Variants in RARB observed in about 807,000 individuals in gnomAD.
RARB encodes the protein retinoic acid receptor beta.
In RARB, 17 loss-of-function variants were observed where a neutral mutation model predicts 51.9. That is an observed-to-expected ratio of 0.33 (90% confidence interval 0.22 to 0.49). The LOEUF (loss-of-function observed/expected upper bound fraction) is 0.49. RARB is among the 20% of genes least tolerant of loss of function. RARB has a pLI of 0.99. For missense variants in RARB, 369 were observed against 550.8 expected (o/e 0.67, Z 3.30); for synonymous variants, 215 against 195.4 (o/e 1.10, Z -0.84).
chr3:25,168,249 G>T (rs1214025991), intron 4 of RARB, among the ~76,000 whole-genome samples: 1 of 151,994 alleles, frequency 6.6e-6, no homozygotes, highest in Non-Finnish European at 1.5e-5. Flanking sequence ...GAGATGGAGT[G>T]TTGCTCTGTT....
chr3:25,003,470 C>T (rs1196565562), intron 2 of RARB, among the ~76,000 whole-genome samples: 1 of 152,062 alleles, frequency 6.6e-6, no homozygotes, highest in Non-Finnish European at 1.5e-5. Flanking sequence ...TCAGATATAT[C>T]TTAGTACTGA....
intron 2 of RARB, among the ~76,000 whole-genome samples, chr3:24,963,589 C>T (rs990260431): frequency 6.6e-6 from 1 of 151,700 alleles, no homozygotes; most frequent in Non-Finnish European, 1.5e-5. Flanking sequence ...TCTCCAAATC[C>T]TGAAAAACCT....
At chr3:25,384,967 C>T (rs907899593) in intron 5 of RARB, among the ~76,000 whole-genome samples, 16 of 152,136 alleles carry the variant, frequency 1.1e-4, no homozygotes, top group Non-Finnish European at 2.4e-4. Context: ...CTCTGGATGG[C>T]ACCTACAGTC....
At chr3:25,524,660 CTTCT>C (rs1698564055) in intron 3 of RARB, among the ~76,000 whole-genome samples, 1 of 150,072 alleles carries the variant, frequency 6.7e-6, no homozygotes, top group Non-Finnish European at 1.5e-5. Flanking sequence ...TCCTTCCTTC[CTTCT>C]TTCTTCCTCT....
At chr3:25,590,767 G>T (rs1320151850) in intron 5 of RARB, among the ~76,000 whole-genome samples, 1 of 152,164 alleles carries the variant, frequency 6.6e-6, no homozygotes, top group African/African-American at 2.4e-5. Context: ...TGATCTATCC[G>T]CCTTGCCCTC....
intron 5 of RARB, among the ~76,000 whole-genome samples, chr3:25,219,722 A>T (rs1701905266): frequency 6.6e-6 from 1 of 152,196 alleles, no homozygotes; most frequent in African/African-American, 2.4e-5. Context: ...TTGGATCATG[A>T]ACCACAACTT....
intron 5 of RARB, among the ~76,000 whole-genome samples, chr3:25,382,620 C>T (rs1171101401): frequency 6.6e-6 from 1 of 152,192 alleles, no homozygotes; most frequent in African/African-American, 2.4e-5. Context: ...CTTTGGGAGG[C>T]CAAGGCAGGC....
chr3:25,261,187 A>G (rs780172988), intron 5 of RARB, among the ~76,000 whole-genome samples: 7 of 152,108 alleles, frequency 4.6e-5, no homozygotes, highest in South Asian at 2.1e-4. Context: ...GCTAGTTGCT[A>G]TTGTCATCAT....
intron 5 of RARB, among the ~76,000 whole-genome samples, chr3:25,196,996 ATTTTCTCCCATT>A (rs1280398198): frequency 2.4e-4 from 36 of 151,794 alleles, no homozygotes; most frequent in Non-Finnish European, 5.1e-4. Flanking sequence ...GATTGCAAAA[ATTTTCTCCCATT>A]CTGTAGGTTG....
chr3:24,857,752 CA>C (rs1032326102), intron 1 of RARB, among the ~76,000 whole-genome samples: 1 of 151,762 alleles, frequency 6.6e-6, no homozygotes, highest in East Asian at 1.9e-4. Context: ...CCTGTCTCTA[CA>C]AAAAAAACAA....
At chr3:24,940,328 C>T (rs1318626191) in intron 2 of RARB, among the ~76,000 whole-genome samples, 1 of 152,060 alleles carries the variant, frequency 6.6e-6, no homozygotes, top group Non-Finnish European at 1.5e-5. Flanking sequence ...AAAAAAGACT[C>T]AGGACTAAGA....
In RARB at chr3:25,208,510, G is replaced by C. The variant is rs117362210; in HGVS notation, c.178+33935G>C. On this transcript the variant is annotated intron_variant, in intron 5 of 11. Coordinates refer to the RARB transcript ENST00000383772. ...TCTATCAATAAAGCCCATCTTAGGA[G>C]AATAGCCCCAAAATCTAGGATGTTG... Among the ~76,000 whole-genome samples, 951 of 152,096 alleles carry C rather than the reference G, an allele frequency of 6.3e-3. 18 individuals are homozygous for C. Among genetic ancestry groups the C allele is most frequent in the East Asian group, 0.03 (154 of 5,170 alleles).
chr3:25,224,693 A>G (rs1343194515), intron 5 of RARB, among the ~76,000 whole-genome samples: 2 of 152,070 alleles, frequency 1.3e-5, no homozygotes, highest in East Asian at 1.9e-4. Context: ...CTGTAACCTC[A>G]ACCTCCTGGG....
chr3:24,889,234 A>G (rs911180406), intron 2 of RARB, among the ~76,000 whole-genome samples: 2 of 152,114 alleles, frequency 1.3e-5, no homozygotes, highest in Admixed American at 1.3e-4. Context: ...AACCATAATT[A>G]TCACCTTTTG....
At chr3:25,474,797 C>G (rs1187184908) in intron 2 of RARB, among the ~76,000 whole-genome samples, 1 of 152,110 alleles carries the variant, frequency 6.6e-6, no homozygotes, top group Admixed American at 6.6e-5. Flanking sequence ...TGTATAATTT[C>G]TAATTCAGTT....
intron 3 of RARB, among the ~76,000 whole-genome samples, chr3:25,107,839 G>A (rs764769131): frequency 6.6e-6 from 1 of 152,102 alleles, no homozygotes; most frequent in Non-Finnish European, 1.5e-5. Context: ...TAAAATACTT[G>A]TTCTTACTGT....
intron 2 of RARB, among the ~76,000 whole-genome samples, chr3:24,952,507 T>C (rs1695916472): frequency 6.6e-6 from 1 of 152,166 alleles, no homozygotes; most frequent in Non-Finnish European, 1.5e-5. Context: ...CGGCGCTAAC[T>C]GCTTACCATG....
chr3:25,087,665 A>C (rs1699127322), intron 3 of RARB, among the ~76,000 whole-genome samples: 1 of 152,138 alleles, frequency 6.6e-6, no homozygotes, highest in African/African-American at 2.4e-5. Flanking sequence ...ATAGTAATGG[A>C]GATTGTTGTT....
chr3:25,241,813 T>C (rs1318550113), intron 5 of RARB, among the ~76,000 whole-genome samples: 1 of 152,244 alleles, frequency 6.6e-6, no homozygotes, highest in East Asian at 1.9e-4. Flanking sequence ...TTATAATCCT[T>C]TGGGTATATA....
Sources: allele counts gnomAD v4.1 joint callset (sites outside exome capture counted in the v4.1 genomes callset), GRCh38; gene constraint gnomAD v4.1.1; transcripts MANE v1.5; gene names NCBI Gene and HGNC (gene_info 2026-07-23, HGNC 2026-07-21).